WDR72: variants seen among roughly 807,000 people sequenced by gnomAD.
WDR72 encodes WD repeat-containing protein 72.
A neutral mutation model predicts 124.2 loss-of-function variants in WDR72; 120 were observed. The ratio of observed to expected loss-of-function variants is 0.97; its 90% CI spans 0.83 to 1.12. The LOEUF is 1.12. WDR72 is among the 50% of genes most tolerant of loss of function. The pLI, the probability that WDR72 is intolerant of heterozygous loss-of-function variation, is 0.00. For missense variants in WDR72, 1,387 were observed against 1,278.8 expected (o/e 1.08, Z -1.29); for synonymous variants, 452 against 441.7 (o/e 1.02, Z -0.29).
rs186046188 is a variant in WDR72, at chr15:53,673,013, C to G, written c.1766-7245G>C. Among the ~76,000 whole-genome samples the G allele has an allele frequency of 1.1e-4, 17 of 152,112 alleles. No individual in the cohort carries two copies. In the South Asian group the frequency reaches 3.3e-3, roughly 30 times the overall value. ...GTGTACGCCTGTAGTCCCTGCTACT[C>G]AGGAGGCTGAGGTGGGAGGATTGCT... On this transcript the variant is annotated intron_variant, in intron 13 of 19. Coordinates refer to ENST00000360509, the MANE Select transcript of WDR72 (RefSeq NM_182758.4).
intron 18 of WDR72, among the ~76,000 whole-genome samples, chr15:53,580,634 G>A (rs577997600): frequency 6.2e-4 from 94 of 152,120 alleles, no homozygotes; most frequent in African/African-American, 2.2e-3. Context: ...ATTCCAGGAT[G>A]ACACAGTTTG....
intron 18 of WDR72, among the ~76,000 whole-genome samples, chr15:53,557,813 A>G (rs988576507): frequency 6.6e-6 from 1 of 152,036 alleles, no homozygotes; most frequent in Non-Finnish European, 1.5e-5. Flanking sequence ...TGTTTTACAT[A>G]TATTAATTTC....
chr15:53,660,929 T>C (rs1175038377), intron 14 of WDR72, among the ~76,000 whole-genome samples: 1 of 152,142 alleles, frequency 6.6e-6, no homozygotes, highest in Admixed American at 6.6e-5. Flanking sequence ...TGTTGACTAT[T>C]TTGCCAATTT....
intron 1 of WDR72, among the ~76,000 whole-genome samples, chr15:53,750,374 T>C (rs1379741469): frequency 8.5e-5 from 13 of 152,178 alleles, no homozygotes; most frequent in Admixed American, 7.9e-4. Context: ...TGCTTATTGT[T>C]GAGATCTACT....
Position 53,711,496 on chromosome 15 carries a change from T to G in WDR72, c.712-15A>C. The G allele has an allele frequency of 6.2e-7, 1 of 1,613,792 alleles. No homozygotes were observed. The highest frequency in any genetic ancestry group is 8.5e-7 in the Non-Finnish European group (1 of 1,179,932). ...TAATCATAAACCTAAAATATGAAGT[T>G]GATGCACATTATCAAAGGCTTAAAT... On this transcript the variant is annotated splice_polypyrimidine_tract_variant and intron_variant, in intron 7 of 19. Coordinates refer to ENST00000360509, the MANE Select transcript of WDR72 (RefSeq NM_182758.4).
intron 18 of WDR72, among the ~76,000 whole-genome samples, chr15:53,567,612 T>C (rs73406265): frequency 6.6e-6 from 1 of 151,884 alleles, no homozygotes; most frequent in Non-Finnish European, 1.5e-5. Flanking sequence ...ATATCTTTTA[T>C]GTTAGCATAC....
At chr15:53,681,700 T>C (rs2016391300) in intron 13 of WDR72, among the ~76,000 whole-genome samples, 1 of 152,186 alleles carries the variant, frequency 6.6e-6, no homozygotes, top group Admixed American at 6.5e-5. Flanking sequence ...TGAGACTGTA[T>C]TGATTTTCCT....
intron 18 of WDR72, among the ~76,000 whole-genome samples, chr15:53,533,384 A>ATGAT (rs10644569): frequency 0.81 from 122,356 of 151,778 alleles, 50,335 homozygotes; most frequent in East Asian, 0.91. Context: ...ACCCATTAAG[A>ATGAT]TATACCCTCC....
At chr15:53,591,710 AC>A (rs1471725984) in intron 18 of WDR72, among the ~76,000 whole-genome samples, 2 of 146,920 alleles carry the variant, frequency 1.4e-5, no homozygotes, top group Admixed American at 6.7e-5. Context: ...ACACACACAC[AC>A]ACACACACAC....
chr15:53,532,651 C>T (rs1041447355), intron 18 of WDR72, among the ~76,000 whole-genome samples: 1 of 151,452 alleles, frequency 6.6e-6, no homozygotes, highest in Non-Finnish European at 1.5e-5. Flanking sequence ...TAGTGGGAAG[C>T]GGGGGATAAG....
intron 18 of WDR72, among the ~76,000 whole-genome samples, chr15:53,571,183 G>A (rs117690912): frequency 6.6e-6 from 1 of 151,914 alleles, no homozygotes; most frequent in Non-Finnish European, 1.5e-5. Flanking sequence ...TGAACTATTG[G>A]GTACTATGTT....
At chr15:53,741,575 A>G (rs1295342473) in intron 1 of WDR72, among the ~76,000 whole-genome samples, 1 of 152,204 alleles carries the variant, frequency 6.6e-6, no homozygotes, top group African/African-American at 2.4e-5. Flanking sequence ...TGTAAACAAA[A>G]GCATATGGGC....
chr15:53,528,716 G>A (rs796485206), intron 18 of WDR72, among the ~76,000 whole-genome samples: 1 of 152,064 alleles, frequency 6.6e-6, no homozygotes, highest in Non-Finnish European at 1.5e-5. Flanking sequence ...TAGGCTTAGG[G>A]GAAAAATCTG....
intron 14 of WDR72, among the ~76,000 whole-genome samples, chr15:53,663,461 A>T (rs542703546): frequency 9.2e-5 from 14 of 152,310 alleles, no homozygotes; most frequent in African/African-American, 3.1e-4. Flanking sequence ...AAGTCAAGGA[A>T]TAAACAAAAT....
chr15:53,618,253 A>T (rs1292100238), intron 14 of WDR72, among the ~76,000 whole-genome samples: 1 of 151,846 alleles, frequency 6.6e-6, no homozygotes, highest in African/African-American at 2.4e-5. Flanking sequence ...TTCCTATTTG[A>T]CCTACTTAAT....
intron 14 of WDR72, among the ~76,000 whole-genome samples, chr15:53,630,072 G>T (rs1158488924): frequency 7.9e-6 from 1 of 126,900 alleles, no homozygotes. Flanking sequence ...AGATCTCAGA[G>T]AAATACTATG....
chr15:53,616,073 C>T lies in WDR72; in HGVS notation c.2133G>A (p.Glu711=). The change falls in exon 15 of 20, where the codon GAG becomes GAA. Residue 711 remains glutamate, a synonymous_variant. Coordinates refer to ENST00000360509, the MANE Select transcript of WDR72 (RefSeq NM_182758.4). ...CTGTGCTCTTGGCTCTTCTCAGGAC[C>T]TCACCACCATAGAATGAACTGGAAG... ...VDSSSSFYGG[E]VLRRAKSTVE... The T allele has an allele frequency of 6.2e-7, 1 of 1,609,466 alleles. No individual in the cohort carries two copies. The highest frequency in any genetic ancestry group is 8.5e-7 in the Non-Finnish European group (1 of 1,177,298).
chr15:53,592,818 T>C (rs1417238651), intron 18 of WDR72, among the ~76,000 whole-genome samples: 1 of 152,132 alleles, frequency 6.6e-6, no homozygotes, highest in African/African-American at 2.4e-5. Context: ...AATTTAATAA[T>C]AGAAACTATT....
At chr15:53,721,962 C>T (rs1595873830) in intron 3 of WDR72, among the ~76,000 whole-genome samples, 1 of 152,142 alleles carries the variant, frequency 6.6e-6, no homozygotes, top group Non-Finnish European at 1.5e-5. Flanking sequence ...TGTTCCTTTT[C>T]CATCTCTCTG....
Sources: gnomAD v4.1 joint callset for allele counts (sites outside exome capture counted in the v4.1 genomes callset) on GRCh38, gnomAD v4.1.1 for gene constraint, MANE v1.5 for transcripts, NCBI Gene and HGNC (gene_info 2026-07-23, HGNC 2026-07-21) for gene names.